PLAC8: variants seen among roughly 807,000 people sequenced by gnomAD.
PLAC8 encodes the protein placenta-specific gene 8 protein.
Under a neutral mutation model 12.6 loss-of-function variants are expected in PLAC8, and 6 were observed. That is an observed-to-expected ratio of 0.48 (90% CI 0.26 to 0.94). The LOEUF (loss-of-function observed/expected upper bound fraction) is 0.94, where lower values mean the gene tolerates loss of function less well. PLAC8 is among the 40% of genes least tolerant of loss of function. PLAC8 has a pLI of 0.14. For synonymous variants in PLAC8, 54 were observed against 52.6 expected (o/e 1.03, Z -0.11); for missense variants, 122 against 152.7 (o/e 0.80, Z 1.06).
At chr4:83,099,723 C>G (rs1732038920) in intron 3 of PLAC8, among the ~76,000 whole-genome samples, 1 of 151,702 alleles carries the variant, frequency 6.6e-6, no homozygotes, top group Non-Finnish European at 1.5e-5. Context: ...AGAGGCTGGG[C>G]ATGGTGGCTC....
intron 3 of PLAC8, among the ~76,000 whole-genome samples, chr4:83,100,142 G>A (rs912901229): frequency 3.3e-5 from 5 of 151,828 alleles, no homozygotes; most frequent in African/African-American, 9.7e-5. Flanking sequence ...ATAGCCAGGC[G>A]TGGTGGCGGG....
intron 1 of PLAC8, among the ~76,000 whole-genome samples, chr4:83,113,643 A>C (rs2126145109): frequency 6.6e-6 from 1 of 152,082 alleles, no homozygotes; most frequent in East Asian, 1.9e-4. Flanking sequence ...CTTTAACCCC[A>C]CAGGAGCAGA....
At chr4:83,112,964 G>A (rs1260279575) in intron 1 of PLAC8, among the ~76,000 whole-genome samples, 1 of 152,190 alleles carries the variant, frequency 6.6e-6, no homozygotes. Flanking sequence ...GGTCCTCAAA[G>A]CTTACTATTA....
chr4:83,111,249 G>A (rs1327775947), intron 1 of PLAC8, among the ~76,000 whole-genome samples: 1 of 152,140 alleles, frequency 6.6e-6, no homozygotes, highest in Non-Finnish European at 1.5e-5. Context: ...AATTACAGGT[G>A]TAAGCCACCA....
At chr4:83,099,701 A>C (rs1455769825) in intron 3 of PLAC8, among the ~76,000 whole-genome samples, 1 of 152,036 alleles carries the variant, frequency 6.6e-6, no homozygotes. Flanking sequence ...TGGTTGTTTA[A>C]AAGTGTGTAG....
intron 2 of PLAC8, among the ~76,000 whole-genome samples, chr4:83,107,221 A>AC (rs1560456357): frequency 3.8e-4 from 36 of 95,130 alleles, no homozygotes; most frequent in African/African-American, 1.2e-3. Flanking sequence ...AAAAAAAAAA[A>AC]ACAAAAAAAA....
chr4:83,109,248 A>G (rs1578745576), intron 1 of PLAC8, among the ~76,000 whole-genome samples: 2 of 152,212 alleles, frequency 1.3e-5, no homozygotes, highest in African/African-American at 4.8e-5. Flanking sequence ...TAAAAATACC[A>G]TGAACTGTAT....
At position 83,097,729 on chromosome 4, in the gene PLAC8, T is replaced by A. The variant is rs1428522936; in HGVS notation, c.244-2938A>T. 6.6e-5 allele frequency among the ~76,000 whole-genome samples: 10 copies of A among 152,230 alleles called. No homozygotes were observed. In the East Asian group the frequency reaches 1.9e-3, roughly 29 times the overall value. On this transcript the variant is annotated intron_variant, in intron 3 of 4. Transcript: ENST00000311507. ...GTTGCTAAGAGTTAATATGGTAACA[T>A]GTAATTGAGACCACTGGAGAAACAG...
intron 4 of PLAC8, chr4:83,094,184 A>C (rs1731871382): frequency 6.6e-6 from 1 of 152,346 alleles, no homozygotes; most frequent in Non-Finnish European, 1.5e-5. Flanking sequence ...TTCTATGTTC[A>C]CCTCTTTCAA....
At chr4:83,101,138 G>A (rs919073725) in intron 3 of PLAC8, among the ~76,000 whole-genome samples, 3 of 152,196 alleles carry the variant, frequency 2.0e-5, no homozygotes, top group Non-Finnish European at 4.4e-5. Context: ...CCAGCACTTT[G>A]GGAGGCCGAG....
At chr4:83,108,314 C>T (rs565574822) in intron 1 of PLAC8, among the ~76,000 whole-genome samples, 1 of 152,156 alleles carries the variant, frequency 6.6e-6, no homozygotes, top group East Asian at 1.9e-4. Context: ...CGAACTGGGC[C>T]GGGCGCGGTG....
rs530794117 is a variant in PLAC8, at chr4:83,112,187, T to A, written c.-30+2479A>T. Among the ~76,000 whole-genome samples, 58 of 94,332 alleles carry A rather than the reference T, an allele frequency of 6.1e-4. 1 individual carries two copies. The highest frequency in any genetic ancestry group is 8.5e-3 in the Middle Eastern group (2 of 234). 61.9% of individuals were successfully genotyped at this position (94,332 alleles called of 152,430 possible). ...AGACTCCGTCTCAAAAAAAAAAAAATTTATATATATATATATGTATATATA... is the reference window on the plus strand; with the variant it reads ...AGACTCCGTCTCAAAAAAAAAAAAAATTATATATATATATATGTATATATA... On this transcript the variant is annotated intron_variant, in intron 1 of 4. Coordinates refer to ENST00000311507, the MANE Select transcript of PLAC8 (RefSeq NM_016619.3).
intron 3 of PLAC8, among the ~76,000 whole-genome samples, chr4:83,100,227 G>A (rs528109959): frequency 1.1e-4 from 17 of 147,958 alleles, no homozygotes; most frequent in Non-Finnish European, 2.2e-4. Context: ...CTTGCAGTGA[G>A]CCAAGATCGT....
At chr4:83,106,168 T>C (rs1408836315) in intron 2 of PLAC8, among the ~76,000 whole-genome samples, 3 of 151,874 alleles carry the variant, frequency 2.0e-5, no homozygotes, top group African/African-American at 7.3e-5. Flanking sequence ...CCCGGTTAAT[T>C]TTTGTATTTT....
chr4:83,104,979 C>T lies in PLAC8; in HGVS notation c.160G>A (p.Val54Ile), dbSNP rs369438012. The change falls in exon 3 of 5, where the codon GTT becomes ATT. Residue 54 changes from valine (V) to isoleucine (I), a missense_variant. Coordinates refer to ENST00000311507, the MANE Select transcript of PLAC8 (RefSeq NM_016619.3). The part of the protein sequence containing the change: ...TFCFPCLGCQ[V>I]AADMNECCLC... ...CAGCATTCATTCATATCAGCTGCAA[C>T]TTGACACCCAAGGCACGGGAAACAA... The T allele has an allele frequency of 1.5e-5, 24 of 1,614,202 alleles. No individual in the cohort carries two copies. Among genetic ancestry groups the T allele is most frequent in the Non-Finnish European group, 2.0e-5 (24 of 1,180,040 alleles).
At chr4:83,108,350 T>C (rs976306942) in intron 1 of PLAC8, among the ~76,000 whole-genome samples, 2 of 152,064 alleles carry the variant, frequency 1.3e-5, no homozygotes, top group African/African-American at 2.4e-5. Flanking sequence ...CCCGGCACTT[T>C]GGGAGGCCGA....
rs35063531 is a variant in PLAC8 at position 83,096,512 on chromosome 4, G to T, written c.244-1721C>A. On this transcript the variant is annotated intron_variant, in intron 3 of 4. Coordinates refer to ENST00000311507, the MANE Select transcript of PLAC8 (RefSeq NM_016619.3). The stretch of plus-strand genomic sequence containing the variant: ...AATTTTAATGACAAATTGAAACACA[G>T]AACAATATTAAGTGAAAAATAACAA... 5.7e-3 allele frequency among the ~76,000 whole-genome samples: 861 copies of T among 152,106 alleles called. 1 individual carries two copies. The highest frequency in any genetic ancestry group is 0.01 in the Non-Finnish European group (695 of 67,984).
At chr4:83,111,151 A>G (rs375155644) in intron 1 of PLAC8, among the ~76,000 whole-genome samples, 18 of 152,246 alleles carry the variant, frequency 1.2e-4, no homozygotes, top group Admixed American at 7.9e-4. Flanking sequence ...CGTTTTCTGT[A>G]GAGATGGGGG....
At chr4:83,107,250 T>G (rs1218380319) in intron 2 of PLAC8, among the ~76,000 whole-genome samples, 1 of 150,242 alleles carries the variant, frequency 6.7e-6, no homozygotes, top group Non-Finnish European at 1.5e-5. Context: ...CAGTCAGAGA[T>G]TTTTTTTCCC....
Sources: gnomAD v4.1 joint callset for allele counts (sites outside exome capture counted in the v4.1 genomes callset) on GRCh38, gnomAD v4.1.1 for gene constraint, MANE v1.5 for transcripts, NCBI Gene and HGNC (gene_info 2026-07-23, HGNC 2026-07-21) for gene names.